The following DLG2 variants were observed in gnomAD, a reference collection of about 807,000 sequenced individuals.
The protein encoded by DLG2 is discs large MAGUK scaffold protein 2.
Under a neutral mutation model 132.5 loss-of-function variants are expected in DLG2, and 45 were observed. That is an observed-to-expected ratio of 0.34 (90% CI 0.27 to 0.44). The LOEUF is 0.44. DLG2 is among the 20% of genes least tolerant of loss of function. The probability of loss-of-function intolerance (pLI) is 1.00; values close to 1 mark genes in which losing one functional copy is unlikely to be tolerated. For synonymous variants in DLG2, 424 were observed against 419.6 expected, an observed-to-expected ratio of 1.01 and a Z score of -0.13; for missense variants, 1,045 against 1,196.9, an observed-to-expected ratio of 0.87 and a Z score of 1.87.
intron 3 of DLG2, among the ~76,000 whole-genome samples, chr11:85,358,325 C>T (rs751018222): frequency 9.9e-5 from 15 of 152,158 alleles, no homozygotes; most frequent in Non-Finnish European, 2.1e-4. Context: ...TCTCTTTCTA[C>T]CAGGTTTCCC....
intron 3 of DLG2, among the ~76,000 whole-genome samples, chr11:85,486,337 C>T (rs1488580931): frequency 6.6e-6 from 1 of 152,148 alleles, no homozygotes. Context: ...CCTCATCCTT[C>T]CTGGTGGTAG....
At chr11:85,542,992 T>G (rs1320190945) in intron 3 of DLG2, among the ~76,000 whole-genome samples, 1 of 151,788 alleles carries the variant, frequency 6.6e-6, no homozygotes. Flanking sequence ...ATTGATTCTC[T>G]TTTTTTTAAT....
intron 21 of DLG2, among the ~76,000 whole-genome samples, chr11:83,496,145 TA>T: frequency 6.7e-6 from 1 of 150,240 alleles, no homozygotes; most frequent in Admixed American, 6.6e-5. Context: ...GAAAAACCAA[TA>T]AAAAATGAGC....
At chr11:85,048,166 C>A (rs1325964443) in intron 6 of DLG2, among the ~76,000 whole-genome samples, 1 of 151,830 alleles carries the variant, frequency 6.6e-6, no homozygotes, top group Non-Finnish European at 1.5e-5. Flanking sequence ...TATAAAAGCA[C>A]CTACTGTCAA....
chr11:84,928,982 G>GTGTGTATATATA (rs1400906684), intron 6 of DLG2, among the ~76,000 whole-genome samples: 119 of 49,092 alleles, frequency 2.4e-3, no homozygotes, highest in Non-Finnish European at 2.9e-3. Flanking sequence ...GTGTGTGTGT[G>GTGTGTATATATA]TATATATATA....
chr11:85,141,395 T>A (rs1351271340), intron 5 of DLG2, among the ~76,000 whole-genome samples: 1 of 151,828 alleles, frequency 6.6e-6, no homozygotes, highest in Non-Finnish European at 1.5e-5. Context: ...AGATCTTTTG[T>A]CCATTTTAAA....
chr11:85,270,909 G>T (rs192665048), intron 4 of DLG2, among the ~76,000 whole-genome samples: 1 of 152,264 alleles, frequency 6.6e-6, no homozygotes, highest in Non-Finnish European at 1.5e-5. Context: ...AGCAGAGTAT[G>T]AAAGTTTGGA....
chr11:83,959,624 CTT>C (rs140781769), intron 14 of DLG2, among the ~76,000 whole-genome samples: 20,076 of 151,950 alleles, frequency 0.13, 1,628 homozygotes, highest in African/African-American at 0.21. Flanking sequence ...TTAGAAGATC[CTT>C]TATAGCGAAT....
At chr11:83,483,165 A>G (rs2093260320) in intron 22 of DLG2, 1 of 1,065,050 alleles carries the variant, frequency 9.4e-7, no homozygotes, top group Non-Finnish European at 1.5e-6. Flanking sequence ...GCTAGGAGTG[A>G]AAGGCCCTCA....
At chr11:85,088,212 G>T (rs1335697251) in intron 6 of DLG2, among the ~76,000 whole-genome samples, 2 of 152,138 alleles carry the variant, frequency 1.3e-5, no homozygotes, top group Non-Finnish European at 2.9e-5. Flanking sequence ...GAAATACTCA[G>T]GTTCTGGCTA....
At chr11:84,770,191 C>T (rs1330949885) in intron 6 of DLG2, among the ~76,000 whole-genome samples, 1 of 152,100 alleles carries the variant, frequency 6.6e-6, no homozygotes, top group African/African-American at 2.4e-5. Context: ...ATTCCTATTC[C>T]CACTTCACCT....
At chr11:84,102,037 G>A (rs2154182951) in intron 9 of DLG2, among the ~76,000 whole-genome samples, 2 of 152,222 alleles carry the variant, frequency 1.3e-5, no homozygotes, top group East Asian at 3.9e-4. Flanking sequence ...GTTTATTTAT[G>A]CTGTTTTCTC....
chr11:85,524,232 C>T (rs573837657), intron 3 of DLG2, among the ~76,000 whole-genome samples: 1 of 151,986 alleles, frequency 6.6e-6, no homozygotes, highest in South Asian at 2.1e-4. Context: ...TTAAAAATAA[C>T]TAAAAGAGTA....
chr11:84,876,159 G>A (rs1308270039), intron 6 of DLG2, among the ~76,000 whole-genome samples: 4 of 152,154 alleles, frequency 2.6e-5, no homozygotes, highest in African/African-American at 4.8e-5. Context: ...ACCCAAGAAC[G>A]CACAGCTAAT....
chr11:83,667,351 T>G (rs992480898), intron 18 of DLG2, among the ~76,000 whole-genome samples: 1 of 152,338 alleles, frequency 6.6e-6, no homozygotes, highest in Admixed American at 6.5e-5. Context: ...CAGATTGACA[T>G]GCATTCCTGG....
intron 6 of DLG2, among the ~76,000 whole-genome samples, chr11:84,536,998 C>G (rs1387677336): frequency 3.3e-5 from 5 of 152,134 alleles, no homozygotes; most frequent in African/African-American, 1.2e-4. Context: ...CTGATAAAGT[C>G]CTCCTTGAAA....
rs1392770020 is a variant in DLG2 at position 84,333,895 on chromosome 11, G to GA, written c.520-82605dup. 4.6e-5 allele frequency among the ~76,000 whole-genome samples: 7 copies of GA among 151,988 alleles called. No homozygotes were observed. The East Asian group carries it at 1.4e-3, about 29-fold the overall frequency. ...TGTCACAAATACAATGACACTTTTT[G>GA]AAAAAATAGTAGGGTTCGAAGAAAT... On this transcript the variant is annotated intron_variant, in intron 7 of 27. Transcript: ENST00000376104.
chr11:84,997,666 A>G (rs544813209), intron 6 of DLG2: 7 of 152,214 alleles, frequency 4.6e-5, no homozygotes, highest in Admixed American at 3.3e-4. Context: ...TTTCACTTCA[A>G]TGTCATCTAT....
intron 6 of DLG2, among the ~76,000 whole-genome samples, chr11:85,060,216 T>C (rs2063910211): frequency 1.3e-5 from 2 of 151,528 alleles, no homozygotes. Context: ...ACTGGCTTAT[T>C]TCACTTAGTA....
Sources: allele counts gnomAD v4.1 joint callset (sites outside exome capture counted in the v4.1 genomes callset), GRCh38; gene constraint gnomAD v4.1.1; transcripts MANE v1.5; gene names NCBI Gene and HGNC (gene_info 2026-07-23, HGNC 2026-07-21).